The following ARHGEF4 variants were observed in gnomAD, a reference collection of about 807,000 sequenced individuals.
The protein encoded by ARHGEF4 is Rho guanine nucleotide exchange factor 4, also known as APC-stimulated guanine nucleotide exchange factor 1.
Under a neutral mutation model 162.0 loss-of-function variants are expected in ARHGEF4, and 119 were observed. The observed-to-expected ratio is 0.73, with a 90% CI of 0.63 to 0.86. The LOEUF (loss-of-function observed/expected upper bound fraction) is 0.86, where lower values mean the gene tolerates loss of function less well. ARHGEF4 is among the 40% of genes least tolerant of loss of function. The probability of loss-of-function intolerance (pLI) is 0.00; values close to 1 mark genes in which losing one functional copy is unlikely to be tolerated. For missense variants in ARHGEF4, 2,488 were observed against 2,456.0 expected (o/e 1.01, Z -0.28); for synonymous variants, 1,014 against 979.9 (o/e 1.03, Z -0.65).
At chr2:130,948,822 A>G (rs1428798269) in intron 4 of ARHGEF4, among the ~76,000 whole-genome samples, 3 of 152,130 alleles carry the variant, frequency 2.0e-5, no homozygotes, top group African/African-American at 7.2e-5. Flanking sequence ...CTTTTTCTTC[A>G]AAAAAGGAGT....
intron 4 of ARHGEF4, among the ~76,000 whole-genome samples, chr2:131,015,016 G>T (rs768411162): frequency 6.6e-6 from 1 of 152,140 alleles, no homozygotes. Flanking sequence ...TGTGAGCTGC[G>T]GGGCCTAGAT....
In ARHGEF4 at chr2:130,916,130, C is replaced by T; in HGVS notation, c.2184C>T (p.Ser728=). 2 of 1,549,532 alleles carry T rather than the reference C, an allele frequency of 1.3e-6. No individual in the cohort carries two copies. The highest frequency in any genetic ancestry group is 8.7e-7 in the Non-Finnish European group (1 of 1,146,892). The stretch of plus-strand genomic sequence containing the variant: ...AAGCTGCTTCGGAAGAGACGCCGAG[C>T]ACAGAGGAGCCCCCGGGAGAGAGAC... ...VPQAASEETP[S]TEEPPGERLR... The change falls in exon 2 of 14, where the codon AGC becomes AGT. Residue 728 remains serine (S), a synonymous_variant. Transcript: ENST00000409359.
At chr2:131,043,782 T>A in intron 11 of ARHGEF4, 199 bp downstream of exon 11, 1 of 663,946 alleles carries the variant, frequency 1.5e-6, no homozygotes, top group Non-Finnish European at 2.5e-6. Flanking sequence ...TTTCACAGTC[T>A]GACCAGGCCG....
chr2:130,949,830 G>A (rs549181387), intron 4 of ARHGEF4, among the ~76,000 whole-genome samples: 1 of 152,126 alleles, frequency 6.6e-6, no homozygotes, highest in African/African-American at 2.4e-5. Context: ...TGTATTTTTA[G>A]TAGAGACAGG....
At chr2:130,917,614 C>A in intron 2 of ARHGEF4, 116 bp downstream of exon 2, 1 of 1,349,986 alleles carries the variant, frequency 7.4e-7, no homozygotes, top group Non-Finnish European at 9.8e-7. Flanking sequence ...GCCAAAATTG[C>A]CCCCGTTACA....
rs752685139 is a variant in ARHGEF4, at chr2:131,045,994, C to G, written c.5480-44C>G. On this transcript the variant is annotated intron_variant, in intron 13 of 13. Transcript: ENST00000409359. The stretch of plus-strand genomic sequence containing the variant: ...TGTCCCCAACAGCTGGGGTGGCACT[C>G]TGCCCTGGGCACCCATGACCCTCTG... 3 of 1,578,094 alleles carry G rather than the reference C, an allele frequency of 1.9e-6. No individual in the cohort carries two copies. The South Asian group carries it at 3.4e-5, about 18-fold the overall frequency.
intron 1 of ARHGEF4, among the ~76,000 whole-genome samples, chr2:130,897,741 G>A (rs1324984634): frequency 1.3e-5 from 2 of 152,186 alleles, no homozygotes; most frequent in African/African-American, 4.8e-5. Context: ...GGTTCAGGCA[G>A]GTCAGGTCCC....
intron 1 of ARHGEF4, among the ~76,000 whole-genome samples, chr2:130,855,040 A>ATT (rs577945797): frequency 1.1e-4 from 16 of 146,524 alleles, no homozygotes; most frequent in East Asian, 4.0e-4. Context: ...CGCCCGGCAA[A>ATT]TTTTTTTTTT....
chr2:131,009,169 G>A (rs1170415160), intron 4 of ARHGEF4, among the ~76,000 whole-genome samples: 1 of 152,168 alleles, frequency 6.6e-6, no homozygotes, highest in Non-Finnish European at 1.5e-5. Flanking sequence ...GTCACCACCA[G>A]GGACACGCAC....
intron 5 of ARHGEF4, among the ~76,000 whole-genome samples, chr2:131,033,224 C>G (rs1168033793): frequency 6.6e-6 from 1 of 152,212 alleles, no homozygotes; most frequent in East Asian, 1.9e-4. Context: ...ACTGCCGTTC[C>G]TGCCATAAAC....
chr2:130,919,827 G>T (rs1463433057), intron 2 of ARHGEF4, among the ~76,000 whole-genome samples: 1 of 151,184 alleles, frequency 6.6e-6, no homozygotes, highest in African/African-American at 2.4e-5. Flanking sequence ...AGTGAGCCAA[G>T]ATCACACCAC....
In ARHGEF4 at chr2:131,031,096, A is replaced by G. The variant is rs987204033; in HGVS notation, c.4125+3012A>G. ...TCACTTCTATTTTCTAAGAATATGTAGGGGCTAAATTGTGGCCCTTTCTTA... is the reference window on the plus strand; with the variant it reads ...TCACTTCTATTTTCTAAGAATATGTGGGGGCTAAATTGTGGCCCTTTCTTA... On this transcript the variant is annotated intron_variant, in intron 5 of 13. Coordinates refer to ENST00000409359, the MANE Select transcript of ARHGEF4 (RefSeq NM_001367493.1). Among the ~76,000 whole-genome samples the G allele has an allele frequency of 2.6e-5, 4 of 152,330 alleles. No individual in the cohort carries two copies. The South Asian group carries it at 6.2e-4, about 24-fold the overall frequency.
At chr2:130,900,793 C>A (rs754694379) in intron 1 of ARHGEF4, among the ~76,000 whole-genome samples, 2 of 152,160 alleles carry the variant, frequency 1.3e-5, no homozygotes, top group Non-Finnish European at 2.9e-5. Flanking sequence ...TGTTAAAAGA[C>A]TCTTGACCCT....
rs777171533 is a variant in ARHGEF4, at chr2:130,917,225, G to T, written c.3279G>T (p.Lys1093Asn). 84 of 1,550,480 alleles carry T rather than the reference G, an allele frequency of 5.4e-5. No individual in the cohort carries two copies. In the Middle Eastern group the frequency reaches 6.7e-4, roughly 12 times the overall value. Residue 1093 changes from lysine (K) to asparagine (N), a missense_variant, in exon 2 of 14, where the codon AAG (lysine) becomes AAT (asparagine). Transcript: ENST00000409359. The stretch of plus-strand genomic sequence containing the variant: ...CGCCCTGCAGACCCACGAGCCCCAA[G>T]CCCCTGAGTCCCAGGCCTAGTGCTC... ...PGTPCRPTSP[K>N]PLSPRPSAQR...
intron 2 of ARHGEF4, among the ~76,000 whole-genome samples, chr2:130,917,782 T>A (rs1209013337): frequency 6.6e-6 from 1 of 152,182 alleles, no homozygotes; most frequent in Admixed American, 6.5e-5. Flanking sequence ...GCCTGCTCCC[T>A]GGGCACTGCC....
chr2:130,964,500 G>C (rs912071938), intron 4 of ARHGEF4, among the ~76,000 whole-genome samples: 1 of 152,248 alleles, frequency 6.6e-6, no homozygotes, highest in African/African-American at 2.4e-5. Flanking sequence ...CCGGGACCTT[G>C]TTGGCCCCCA....
At chr2:130,926,614 G>A (rs1400532196) in intron 2 of ARHGEF4, among the ~76,000 whole-genome samples, 1 of 151,916 alleles carries the variant, frequency 6.6e-6, no homozygotes, top group African/African-American at 2.4e-5. Context: ...TTCCTTTATT[G>A]GCCTCTATTG....
At chr2:130,846,917 C>T (rs544988077) in intron 1 of ARHGEF4, among the ~76,000 whole-genome samples, 81 of 152,318 alleles carry the variant, frequency 5.3e-4, no homozygotes, top group African/African-American at 1.9e-3. Flanking sequence ...GCAGGAGAAT[C>T]AGGGCCTGCC....
chr2:130,877,533 C>G (rs1052548461), intron 1 of ARHGEF4, among the ~76,000 whole-genome samples: 1 of 152,154 alleles, frequency 6.6e-6, no homozygotes, highest in East Asian at 1.9e-4. Flanking sequence ...GCCTCTAGTT[C>G]CAGCTGCTTG....
Sources: gnomAD v4.1 joint callset for allele counts (sites outside exome capture counted in the v4.1 genomes callset) on GRCh38, gnomAD v4.1.1 for gene constraint, MANE v1.5 for transcripts, NCBI Gene and HGNC (gene_info 2026-07-23, HGNC 2026-07-21) for gene names.